DKKL1: variants seen among roughly 807,000 people sequenced by gnomAD.
DKKL1 encodes the protein dickkopf like acrosomal protein 1, also known as dickkopf-like protein 1.
DKKL1 carries 11 observed loss-of-function variants against 16.5 expected under a neutral mutation model. The ratio of observed to expected loss-of-function variants is 0.67; its 90% CI spans 0.42 to 1.10. The LOEUF (loss-of-function observed/expected upper bound fraction) is 1.10, where lower values mean the gene tolerates loss of function less well. Ranked by LOEUF, DKKL1 falls within the 50% of genes least tolerant of loss-of-function variation. The probability of loss-of-function intolerance (pLI) is 0.00; values close to 1 mark genes in which losing one functional copy is unlikely to be tolerated. For missense variants in DKKL1, 320 were observed against 308.1 expected (o/e 1.04, Z -0.29); for synonymous variants, 119 against 133.2 (o/e 0.89, Z 0.73).
upstream of DKKL1, chr19:49,361,941 C>G (rs1972979549): frequency 1.3e-5 from 2 of 152,696 alleles, no homozygotes; most frequent in Non-Finnish European, 2.9e-5. Context: ...CGCCCCAGAC[C>G]CTAAACCTCC....
intron 4 of DKKL1, chr19:49,370,068 C>T (rs989044726): frequency 6.6e-6 from 1 of 152,234 alleles, no homozygotes; most frequent in Non-Finnish European, 1.5e-5. Context: ...TCTTGCTGTT[C>T]ACTTGACAGA....
At position 49,364,629 on chromosome 19, in the gene DKKL1, C is replaced by T. The variant is rs758170786; in HGVS notation, c.58C>T (p.Leu20Phe). Residue 20 changes from leucine to phenylalanine, a missense_variant, in exon 2 of 5, where the codon CTC (leucine) becomes TTC (phenylalanine). Transcript: ENST00000221498. ...GCGGCATCTGCTGGTCCTGCTGCTG[C>T]TCCTCTCTACCCTGGTGATCCCCTC... ...ARRHLLVLLL[L>F]LSTLVIPSAA... 1.2e-6 allele frequency: 2 copies of T among 1,613,524 alleles called. No individual in the cohort carries two copies. Among genetic ancestry groups the T allele is most frequent in the East Asian group, 2.2e-5 (1 of 44,884 alleles).
upstream of DKKL1, chr19:49,363,603 A>G: frequency 3.0e-6 from 1 of 335,750 alleles, no homozygotes; most frequent in Non-Finnish European, 5.8e-6. Context: ...GAGGGCCGCA[A>G]TCAGAGAACA....
chr19:49,364,413 C>A (rs1473158928), intron 1 of DKKL1, among the ~76,000 whole-genome samples, 169 bp from the exon 2 acceptor site: 1 of 149,838 alleles, frequency 6.7e-6, no homozygotes, highest in African/African-American at 2.5e-5. Flanking sequence ...GAAGACGGGG[C>A]CTGGCAAGGT....
chr19:49,374,783 G>C lies in DKKL1; in HGVS notation c.484G>C (p.Glu162Gln). Residue 162 changes from glutamate to glutamine, a missense_variant, in exon 5 of 5, where the codon GAA (glutamate) becomes CAA (glutamine). By Grantham distance (29) the Glu-to-Gln change is conservative. Transcript: ENST00000221498. ...IQKATDSFHT[E>Q]LHPRVAFWII... ...GAAGGCCACGGACAGCTTCCACACA[G>C]AACTCCATCCCCGGGTGGCCTTCTG... is the stretch of plus-strand genomic sequence containing the variant. 6.2e-7 allele frequency: 1 copy of C among 1,609,078 alleles called. No individual in the cohort carries two copies. The highest frequency in any genetic ancestry group is 1.3e-5 in the African/African-American group (1 of 75,002).
upstream of DKKL1, chr19:49,362,272 A>G (rs1973008943): frequency 6.6e-6 from 1 of 152,228 alleles, no homozygotes; most frequent in South Asian, 2.1e-4. Flanking sequence ...CCATTCAGAG[A>G]CGGTCCCGCA....
At chr19:49,364,798 G>A (rs754770671) in intron 2 of DKKL1, 44 bp downstream of exon 2, 6 of 1,589,310 alleles carry the variant, frequency 3.8e-6, no homozygotes, top group African/African-American at 1.3e-5. Flanking sequence ...CTGAGAAGAG[G>A]TTCAGGGACA....
At chr19:49,361,305 G>A (rs1972905855), upstream of DKKL1, 1 of 150,152 alleles carries the variant, frequency 6.7e-6, no homozygotes, top group South Asian at 2.1e-4. Context: ...GGGGACCAGA[G>A]ACCCAGAGAG....
Position 49,365,646 on chromosome 19 carries a change from C to A in DKKL1, c.321C>A (p.Asp107Glu). Reference protein sequence around the residue: ...NNTLSSHLQIDKMTDNKTGEV... With the variant: ...NNTLSSHLQIEKMTDNKTGEV... ...CCCTCTCCAGCCACCTCCAGATCGA[C>A]AAGGTGCCTATGCAGGGAAGCCCTT... The change falls in exon 3 of 5, where the codon GAC (aspartate) becomes GAA (glutamate). Residue 107 changes from aspartate (D) to glutamate (E), a missense_variant. Coordinates refer to ENST00000221498, the MANE Select transcript of DKKL1 (RefSeq NM_014419.4). 1 of 1,611,750 alleles carries A rather than the reference C, an allele frequency of 6.2e-7. No homozygotes were observed. The highest frequency in any genetic ancestry group is 8.5e-7 in the Non-Finnish European group (1 of 1,178,576).
chr19:49,374,986 G>C lies in DKKL1; in HGVS notation c.687G>C (p.Lys229Asn). The C allele has an allele frequency of 6.2e-7, 1 of 1,613,190 alleles. No homozygotes were observed. The highest frequency in any genetic ancestry group is 8.5e-7 in the Non-Finnish European group (1 of 1,179,722). ...CCCACTCCAGGCTGTCCCCCCGAAA[G>C]ACCCACTTACTGTACATCCTCAGGC... ...SSSHSRLSPRKTHLLYILRPS... is the reference protein window; with the variant it reads ...SSSHSRLSPRNTHLLYILRPS... Residue 229 changes from lysine to asparagine, a missense_variant, in exon 5 of 5, where the codon AAG becomes AAC. Physicochemically the swap from Lys to Asn is moderately conservative, Grantham distance 94. Transcript: ENST00000221498.
chr19:49,363,327 C>A (rs1409124989), upstream of DKKL1: 2 of 154,426 alleles, frequency 1.3e-5, no homozygotes, highest in African/African-American at 4.8e-5. Context: ...CCGGAGACAA[C>A]GGGACTTTTT....
intron 4 of DKKL1, among the ~76,000 whole-genome samples, chr19:49,372,289 A>C (rs745747009): frequency 2.1e-4 from 32 of 152,188 alleles, no homozygotes; most frequent in Non-Finnish European, 3.8e-4. Context: ...TGCCAGGCAC[A>C]GTGGCTCATA....
rs2303758 is a variant in DKKL1 at position 49,365,702 on chromosome 19, G to T, written c.324+53G>T. On this transcript the variant is annotated intron_variant, in intron 3 of 4. Coordinates refer to ENST00000221498, the MANE Select transcript of DKKL1 (RefSeq NM_014419.4). ...AGTCCCCTTGGGATCCCTCCATCCC[G>T]CCATCCCTCGTGCTGCAGTATCTGT... 380,885 of 1,592,446 alleles carry T rather than the reference G, an allele frequency of 0.24. 47,145 individuals are homozygous for T. The highest frequency in any genetic ancestry group is 0.31 in the African/African-American group (22,894 of 74,552).
intron 4 of DKKL1, among the ~76,000 whole-genome samples, chr19:49,367,379 T>C (rs1973294289): frequency 1.3e-5 from 2 of 151,292 alleles, no homozygotes; most frequent in Admixed American, 6.6e-5. Flanking sequence ...GAATGCTAAA[T>C]GCGTTGTGTA....
upstream of DKKL1, chr19:49,362,926 G>GCT (rs1973058396): frequency 8.2e-6 from 1 of 121,554 alleles, no homozygotes; most frequent in Non-Finnish European, 1.7e-5. Flanking sequence ...TTTGTTTTTT[G>GCT]TTTTTTTTGT....
At chr19:49,365,954 G>A in intron 4 of DKKL1, 69 bp downstream of exon 4, 2 of 1,416,978 alleles carry the variant, frequency 1.4e-6, no homozygotes, top group Middle Eastern at 3.6e-4. Context: ...TTAAAGAAGA[G>A]TCTCACTCTG....
chr19:49,366,703 T>G (rs898500546), intron 4 of DKKL1, among the ~76,000 whole-genome samples: 26 of 129,610 alleles, frequency 2.0e-4, no homozygotes, highest in Non-Finnish European at 1.9e-4. Context: ...TTTTTTTGTT[T>G]GTTTTTTTGG....
In DKKL1 at chr19:49,365,522, G is replaced by A. The variant is rs762517939; in HGVS notation, c.197G>A (p.Arg66Gln). 12 of 1,606,560 alleles carry A rather than the reference G, an allele frequency of 7.5e-6. No homozygotes were observed. The highest frequency in any genetic ancestry group is 5.0e-5 in the Admixed American group (3 of 59,576). ...CTCCGGCCCCAGGGTAACCTGCTTC[G>A]GGGCATAGACAGCTTATTCTCTGCC... ...SRLFLKGNLL[R>Q]GIDSLFSAPM... Residue 66 changes from arginine (R) to glutamine (Q), a missense_variant, in exon 3 of 5, where the codon CGG becomes CAG. Coordinates refer to ENST00000221498, the MANE Select transcript of DKKL1 (RefSeq NM_014419.4).
At position 49,365,799 on chromosome 19, in the gene DKKL1, GACA is replaced by G. The variant is rs1373162244; in HGVS notation, c.336_338del (p.Asn112del). ...TCTCATCGGATCCTCACAGATGACC[GACA>G]ACAAGACAGGAGAGGTGCTGATCTC... is the stretch of plus-strand genomic sequence containing the variant. On this transcript the variant is annotated inframe_deletion, in exon 4 of 5. Transcript: ENST00000221498. The G allele has an allele frequency of 3.1e-6, 5 of 1,613,716 alleles. No homozygotes were observed. Among genetic ancestry groups the G allele is most frequent in the African/African-American group, 1.3e-5 (1 of 74,906 alleles).
Sources: gnomAD v4.1 joint callset for allele counts (sites outside exome capture counted in the v4.1 genomes callset) on GRCh38, gnomAD v4.1.1 for gene constraint, MANE v1.5 for transcripts, NCBI Gene and HGNC (gene_info 2026-07-23, HGNC 2026-07-21) for gene names.